Variants in C10orf90 observed in about 807,000 individuals in gnomAD.
C10orf90 encodes (E2-independent) E3 ubiquitin-conjugating enzyme FATS.
A neutral mutation model predicts 62.5 loss-of-function variants in C10orf90; 56 were observed. The observed-to-expected ratio is 0.90, with a 90% CI of 0.72 to 1.12. The LOEUF is 1.12. C10orf90 is among the 50% of genes most tolerant of loss of function. The probability of loss-of-function intolerance (pLI) is 0.00; values close to 1 mark genes in which losing one functional copy is unlikely to be tolerated. For synonymous variants in C10orf90, 386 were observed against 340.4 expected (o/e 1.13, Z -1.47); for missense variants, 970 against 880.4 (o/e 1.10, Z -1.29).
chr10:126,550,398 A>G (rs2133976773), intron 2 of C10orf90, among the ~76,000 whole-genome samples: 1 of 152,286 alleles, frequency 6.6e-6, no homozygotes, highest in Non-Finnish European at 1.5e-5. Flanking sequence ...AATCACGGAA[A>G]TGCTCTGTCT....
Position 126,453,748 on chromosome 10 carries a change from A to G in C10orf90, c.2188+5292T>C, listed in dbSNP as rs147247642. 2.6e-5 allele frequency among the ~76,000 whole-genome samples: 4 copies of G among 152,298 alleles called. No individual in the cohort carries two copies. The highest frequency in any genetic ancestry group is 9.6e-5 in the African/African-American group (4 of 41,562). On this transcript the variant is annotated intron_variant, in intron 7 of 9. Coordinates refer to ENST00000488181, the MANE Select transcript of C10orf90 (RefSeq NM_001350921.2). The surrounding 1 kb of genome is among the most constrained non-coding windows in gnomAD (Gnocchi z 4.9). Reference sequence around the variant, plus strand: ...CCAGCTCAGTTATTACAGGAAGCACAGGAAAGGGTCTGGGGGTAAGAGATG... The same window carrying G: ...CCAGCTCAGTTATTACAGGAAGCACGGGAAAGGGTCTGGGGGTAAGAGATG...
chr10:126,605,568 T>A lies in C10orf90; in HGVS notation c.313+40997A>T, dbSNP rs77330852. On this transcript the variant is annotated intron_variant, in intron 2 of 9. Transcript: ENST00000488181. Reference sequence around the variant, plus strand: ...AGGAGAGGAGAAAAGATGTGTTGAATCCTCGCAGCTCCTAGCCCCTAGCTC... The same window carrying A: ...AGGAGAGGAGAAAAGATGTGTTGAAACCTCGCAGCTCCTAGCCCCTAGCTC... 3.7e-3 allele frequency among the ~76,000 whole-genome samples: 562 copies of A among 152,308 alleles called. 4 individuals are homozygous for A. The highest frequency in any genetic ancestry group is 0.013 in the African/African-American group (530 of 41,564).
intron 2 of C10orf90, among the ~76,000 whole-genome samples, chr10:126,628,666 G>T (rs1009542379): frequency 2.0e-5 from 3 of 152,188 alleles, no homozygotes; most frequent in Non-Finnish European, 4.4e-5. Context: ...TAAGTAATTT[G>T]GGGATGGTTT....
intron 3 of C10orf90, among the ~76,000 whole-genome samples, chr10:126,510,453 G>A (rs573735671): frequency 6.6e-6 from 1 of 152,254 alleles, no homozygotes; most frequent in Non-Finnish European, 1.5e-5. Context: ...TTTCTACTGG[G>A]TTAACGAAAC....
intron 2 of C10orf90, among the ~76,000 whole-genome samples, chr10:126,533,228 C>G (rs910682738): frequency 1.3e-5 from 2 of 152,126 alleles, no homozygotes; most frequent in Non-Finnish European, 2.9e-5. Flanking sequence ...GCCACAGCAC[C>G]CGGCCTGCTA....
chr10:126,447,271 T>C (rs1405048785), intron 7 of C10orf90, among the ~76,000 whole-genome samples: 2 of 151,170 alleles, frequency 1.3e-5, no homozygotes, highest in Non-Finnish European at 2.9e-5. Flanking sequence ...GACCTAATAA[T>C]AATATGCTTC....
At chr10:126,545,408 T>C (rs1864467932) in intron 2 of C10orf90, among the ~76,000 whole-genome samples, 1 of 152,156 alleles carries the variant, frequency 6.6e-6, no homozygotes, top group South Asian at 2.1e-4. Flanking sequence ...CATCCTGACC[T>C]GCACTGTCTG....
chr10:126,467,984 C>T (rs1038765760), intron 4 of C10orf90, among the ~76,000 whole-genome samples: 2 of 152,162 alleles, frequency 1.3e-5, no homozygotes, highest in African/African-American at 4.8e-5. Flanking sequence ...TGGGTTACTC[C>T]ACATTCTTTT....
intron 5 of C10orf90, among the ~76,000 whole-genome samples, chr10:126,462,731 T>TGATTACAAC: frequency 6.6e-6 from 1 of 152,252 alleles, no homozygotes; most frequent in African/African-American, 2.4e-5. Context: ...TGCATCTCCA[T>TGATTACAAC]GATTACAACG....
chr10:126,508,040 A>G (rs1022476838), intron 3 of C10orf90, among the ~76,000 whole-genome samples: 2 of 151,948 alleles, frequency 1.3e-5, no homozygotes, highest in Middle Eastern at 3.4e-3. Flanking sequence ...CTTTGAAGAA[A>G]AAAAAAAAAA....
chr10:126,541,050 C>A (rs1864363857), intron 2 of C10orf90, among the ~76,000 whole-genome samples: 1 of 151,598 alleles, frequency 6.6e-6, no homozygotes, highest in South Asian at 2.1e-4. Flanking sequence ...GGAAGTCTTA[C>A]TAAAGAAGAC....
intron 4 of C10orf90, among the ~76,000 whole-genome samples, chr10:126,503,258 C>G (rs1340315089): frequency 6.6e-6 from 1 of 152,162 alleles, no homozygotes; most frequent in Non-Finnish European, 1.5e-5. Flanking sequence ...CTCAGGGCAA[C>G]CCATCCTGGG....
intron 2 of C10orf90, among the ~76,000 whole-genome samples, chr10:126,600,064 A>T (rs754545117): frequency 5.9e-5 from 9 of 152,250 alleles, no homozygotes; most frequent in Non-Finnish European, 1.3e-4. Flanking sequence ...TCAGTTAATG[A>T]GAAGCAGGTT....
chr10:126,503,103 T>C (rs1200636381), intron 4 of C10orf90, among the ~76,000 whole-genome samples: 2 of 152,192 alleles, frequency 1.3e-5, no homozygotes, highest in Non-Finnish European at 2.9e-5. Context: ...TTTTTCCAAA[T>C]AGAAAGTAAT....
intron 2 of C10orf90, among the ~76,000 whole-genome samples, chr10:126,560,680 C>T (rs1261101689): frequency 6.6e-6 from 1 of 152,168 alleles, no homozygotes; most frequent in African/African-American, 2.4e-5. Context: ...GGTCAGCAAA[C>T]GTCTTCTGAA....
chr10:126,529,548 T>C (rs1006622879), intron 2 of C10orf90, among the ~76,000 whole-genome samples: 1 of 152,154 alleles, frequency 6.6e-6, no homozygotes, highest in African/African-American at 2.4e-5. Flanking sequence ...AGCAACTCAA[T>C]GGAAAAATAA....
intron 8 of C10orf90, among the ~76,000 whole-genome samples, chr10:126,428,580 C>T (rs1857392586): frequency 6.6e-6 from 1 of 152,098 alleles, no homozygotes; most frequent in Non-Finnish European, 1.5e-5. Context: ...CACTCGTCCT[C>T]TTTGAGCCTC....
chr10:126,550,361 T>C (rs1432376696), intron 2 of C10orf90, among the ~76,000 whole-genome samples: 2 of 152,154 alleles, frequency 1.3e-5, no homozygotes, highest in African/African-American at 4.8e-5. Flanking sequence ...AGTGTGACTA[T>C]AGAAGATCAA....
chr10:126,609,688 C>A (rs1393599071), intron 2 of C10orf90, among the ~76,000 whole-genome samples: 2 of 152,194 alleles, frequency 1.3e-5, no homozygotes, highest in Non-Finnish European at 2.9e-5. Context: ...GCCTTAGGAG[C>A]AGTGGCTTAG....
Sources: gnomAD v4.1 joint callset for allele counts (sites outside exome capture counted in the v4.1 genomes callset) on GRCh38, gnomAD v4.1.1 for gene constraint, Gnocchi (gnomAD v3.1) non-coding constraint, MANE v1.5 for transcripts, NCBI Gene and HGNC (gene_info 2026-07-23, HGNC 2026-07-21) for gene names.